The following FAF1 variants were observed in gnomAD, a reference collection of about 807,000 sequenced individuals.
FAF1 encodes Fas associated factor 1.
In FAF1, 25 loss-of-function variants were observed where a neutral mutation model predicts 92.5. The observed-to-expected ratio is 0.27, with a 90% CI of 0.20 to 0.38. The LOEUF (loss-of-function observed/expected upper bound fraction) is 0.38, where lower values mean the gene tolerates loss of function less well. FAF1 is among the 10% of genes least tolerant of loss of function. The pLI is 1.00. For missense variants in FAF1, 636 were observed against 793.3 expected (o/e 0.80, Z 2.38); for synonymous variants, 234 against 273.2 (o/e 0.86, Z 1.42).
At chr1:50,623,971 G>A (rs1040421162) in intron 8 of FAF1, among the ~76,000 whole-genome samples, 68 of 150,818 alleles carry the variant, frequency 4.5e-4, no homozygotes, top group Non-Finnish European at 9.5e-4. Context: ...GAAGAAGAAA[G>A]AAGAAGAGGA....
At position 50,939,851 on chromosome 1, in the gene FAF1, T is replaced by C. The variant is rs191898037; in HGVS notation, c.45+19916A>G. On this transcript the variant is annotated intron_variant, in intron 1 of 18. Transcript: ENST00000396153. ...TTATTGAAGGTCATTTTGAAGTAAA[T>C]TCTAGATATATCATTTCACCCATAA... Among the ~76,000 whole-genome samples the C allele has an allele frequency of 5.9e-5, 9 of 152,332 alleles. No homozygotes were observed. The East Asian group carries it at 1.2e-3, about 20-fold the overall frequency.
chr1:50,623,972 A>T (rs913549152), intron 8 of FAF1, among the ~76,000 whole-genome samples: 67 of 151,722 alleles, frequency 4.4e-4, no homozygotes, highest in Non-Finnish European at 9.3e-4. Flanking sequence ...AAGAAGAAAG[A>T]AGAAGAGGAA....
chr1:50,647,002 C>T (rs764310051), intron 8 of FAF1, among the ~76,000 whole-genome samples: 11 of 152,078 alleles, frequency 7.2e-5, no homozygotes, highest in African/African-American at 2.2e-4. Context: ...TGAGCCACCA[C>T]GCCCAGCTAA....
intron 13 of FAF1, among the ~76,000 whole-genome samples, chr1:50,564,427 G>A (rs554404847): frequency 1.3e-5 from 2 of 152,046 alleles, no homozygotes; most frequent in Non-Finnish European, 2.9e-5. Context: ...TCTTACTTGT[G>A]ATGCCTAGAA....
At chr1:50,494,659 C>T (rs1041077106) in intron 15 of FAF1, among the ~76,000 whole-genome samples, 14 of 152,194 alleles carry the variant, frequency 9.2e-5, no homozygotes, top group African/African-American at 3.1e-4. Context: ...TTGCGCTGTG[C>T]TACACTCATT....
chr1:50,540,928 CGT>C (rs1648731076), intron 13 of FAF1, among the ~76,000 whole-genome samples: 1 of 152,138 alleles, frequency 6.6e-6, no homozygotes, highest in Non-Finnish European at 1.5e-5. Context: ...CAACTTAAAT[CGT>C]GTGTTTTCTT....
At chr1:50,779,906 G>A (rs537337329) in intron 4 of FAF1, among the ~76,000 whole-genome samples, 2 of 151,702 alleles carry the variant, frequency 1.3e-5, no homozygotes, top group East Asian at 1.9e-4. Context: ...CGCTTAGTGA[G>A]AGCCTGTCTC....
intron 13 of FAF1, among the ~76,000 whole-genome samples, chr1:50,561,852 A>T (rs190144337): frequency 6.3e-5 from 7 of 111,464 alleles, no homozygotes; most frequent in East Asian, 2.8e-4. Flanking sequence ...GATGGACGGA[A>T]GGAAGGAAGG....
At chr1:50,685,241 A>G (rs1656606006) in intron 7 of FAF1, among the ~76,000 whole-genome samples, 1 of 152,222 alleles carries the variant, frequency 6.6e-6, no homozygotes, top group Non-Finnish European at 1.5e-5. Flanking sequence ...AGGTACATGG[A>G]AAGACAAATA....
At chr1:50,546,972 T>G (rs1022366694) in intron 13 of FAF1, among the ~76,000 whole-genome samples, 3 of 152,178 alleles carry the variant, frequency 2.0e-5, no homozygotes, top group Non-Finnish European at 4.4e-5. Context: ...CACTGCAACC[T>G]CCGCCTCACG....
Position 50,475,616 on chromosome 1 carries a change from C to T in FAF1, c.1717G>A (p.Val573Met), listed in dbSNP as rs1383249050. The T allele has an allele frequency of 6.2e-7, 1 of 1,614,120 alleles. No homozygotes were observed. The highest frequency in any genetic ancestry group is 1.7e-5 in the Admixed American group (1 of 60,022). Residue 573 changes from valine (V) to methionine (M), a missense_variant, in exon 18 of 19, where the codon GTG (valine) becomes ATG (methionine). Transcript: ENST00000396153. ...GGGGTCCGGATCCGCAGTTTGCTCACAGGCTCAGCATTTTCTTCCTTTGGC... is the reference window on the plus strand; with the variant it reads ...GGGGTCCGGATCCGCAGTTTGCTCATAGGCTCAGCATTTTCTTCCTTTGGC... ...PEPKEENAEP[V>M]SKLRIRTPSG... is the part of the protein sequence containing the mutation.
intron 5 of FAF1, among the ~76,000 whole-genome samples, chr1:50,741,304 G>A (rs1367325307): frequency 6.6e-6 from 1 of 152,226 alleles, no homozygotes; most frequent in Non-Finnish European, 1.5e-5. Context: ...AAGAGCTTGA[G>A]CCTATTAAAA....
At chr1:50,877,184 G>A (rs58791125) in intron 1 of FAF1, among the ~76,000 whole-genome samples, 18,436 of 152,166 alleles carry the variant, frequency 0.12, 1,394 homozygotes, top group African/African-American at 0.22. Flanking sequence ...ACCTAACAAC[G>A]CTCAGTCAGG....
chr1:50,583,286 AAAATGTT>A lies in FAF1; in HGVS notation c.1031+359_1031+365del, dbSNP rs1448483620. On this transcript the variant is annotated intron_variant, in intron 11 of 18. Coordinates refer to ENST00000396153, the MANE Select transcript of FAF1 (RefSeq NM_007051.3). The surrounding 1 kb of genome is among the most constrained non-coding windows in gnomAD (Gnocchi z 4.2). ...TAAAGGAAAAAATTCACTTGGATTT[AAAATGTT>A]TAAAGTATTTTTAAATTTAATATTA... Among the ~76,000 whole-genome samples, 1 of 151,958 alleles carries A rather than the reference AAAATGTT, an allele frequency of 6.6e-6. No individual in the cohort carries two copies. The highest frequency in any genetic ancestry group is 1.5e-5 in the Non-Finnish European group (1 of 67,876).
intron 13 of FAF1, among the ~76,000 whole-genome samples, chr1:50,551,237 T>A (rs898196414): frequency 3.3e-5 from 5 of 152,116 alleles, no homozygotes; most frequent in Admixed American, 6.5e-5. Flanking sequence ...CCCAGACATA[T>A]ATACAGAGGG....
intron 15 of FAF1, among the ~76,000 whole-genome samples, chr1:50,503,147 T>A (rs2149017230): frequency 6.6e-6 from 1 of 152,258 alleles, no homozygotes; most frequent in African/African-American, 2.4e-5. Flanking sequence ...CTCTTATTTT[T>A]AAAAAGGCAG....
chr1:50,739,258 G>A lies in FAF1; in HGVS notation c.460-304C>T, dbSNP rs923405367. Among the ~76,000 whole-genome samples the A allele has an allele frequency of 1.4e-4, 21 of 151,886 alleles. No homozygotes were observed. In the East Asian group the frequency reaches 2.9e-3, roughly 21 times the overall value. ...TACATATATATGTGTGTCTATATAT[G>A]TGCATGTGTACATGTGCATACATAT... On this transcript the variant is annotated intron_variant, in intron 5 of 18. Transcript: ENST00000396153.
At chr1:50,610,921 T>C (rs1207924722) in intron 8 of FAF1, among the ~76,000 whole-genome samples, 1 of 152,240 alleles carries the variant, frequency 6.6e-6, no homozygotes, top group Non-Finnish European at 1.5e-5. Context: ...AATTTAAACC[T>C]GTAAAAGCAG....
intron 1 of FAF1, among the ~76,000 whole-genome samples, chr1:50,942,214 G>A (rs914347958): frequency 6.6e-6 from 1 of 152,180 alleles, no homozygotes; most frequent in Non-Finnish European, 1.5e-5. Context: ...GAAGGAAAAC[G>A]TTCAGGCCAG....
Sources: allele counts gnomAD v4.1 joint callset (sites outside exome capture counted in the v4.1 genomes callset), GRCh38; gene constraint gnomAD v4.1.1; non-coding constraint Gnocchi (gnomAD v3.1); transcripts MANE v1.5; gene names NCBI Gene and HGNC (gene_info 2026-07-23, HGNC 2026-07-21).